MAPK4: variants seen among roughly 807,000 people sequenced by gnomAD.
MAPK4 encodes mitogen-activated protein kinase 4, also known as Erk3-related.
MAPK4 carries 22 observed loss-of-function variants against 47.7 expected under a neutral mutation model. The ratio of observed to expected loss-of-function variants is 0.46; its 90% CI spans 0.33 to 0.66. The LOEUF is 0.66. Ranked by LOEUF, MAPK4 falls within the 30% of genes least tolerant of loss-of-function variation. The pLI, the probability that MAPK4 is intolerant of heterozygous loss-of-function variation, is 0.02. For missense variants in MAPK4, 736 were observed against 831.7 expected, an observed-to-expected ratio of 0.88 and a Z score of 1.42; for synonymous variants, 390 against 365.7, an observed-to-expected ratio of 1.07 and a Z score of -0.76.
intron 1 of MAPK4, among the ~76,000 whole-genome samples, chr18:50,621,848 C>T (rs1284664899): frequency 1.3e-5 from 2 of 152,248 alleles, no homozygotes; most frequent in African/African-American, 4.8e-5. Context: ...CTGTCTTCAC[C>T]ATGCATTTGG....
chr18:50,708,303 G>A (rs1289225406), intron 2 of MAPK4, among the ~76,000 whole-genome samples: 2 of 152,216 alleles, frequency 1.3e-5, no homozygotes, highest in Non-Finnish European at 1.5e-5. Flanking sequence ...CTGGGAGGAT[G>A]TTGTTCTTCT....
In MAPK4 at chr18:50,582,362, T is replaced by C. The variant is rs77908347; in HGVS notation, c.-871+22119T>C. 5.3e-3 allele frequency among the ~76,000 whole-genome samples: 814 copies of C among 152,166 alleles called. 8 individuals are homozygous for C. The highest frequency in any genetic ancestry group is 0.018 in the African/African-American group (766 of 41,498). On this transcript the variant is annotated intron_variant, in intron 1 of 5. Transcript: ENST00000400384. ...CTATCCCCACCCTAGTCACACAGAG[T>C]GGCCTAAGAAAGTGCAGGGCTACCT... is the stretch of plus-strand genomic sequence containing the variant.
intron 2 of MAPK4, among the ~76,000 whole-genome samples, chr18:50,679,410 C>T (rs945725495): frequency 6.6e-6 from 1 of 152,198 alleles, no homozygotes; most frequent in African/African-American, 2.4e-5. Flanking sequence ...TCAATACCCT[C>T]ATATCTACCC....
intron 2 of MAPK4, among the ~76,000 whole-genome samples, chr18:50,681,061 A>G (rs1005815762): frequency 4.0e-5 from 6 of 151,368 alleles, no homozygotes; most frequent in African/African-American, 1.5e-4. Context: ...ATTTATCCAC[A>G]TCCTCACCAA....
rs1369842017 is a variant in MAPK4 at position 50,664,687 on chromosome 18, G to C, written c.546+183G>C. ...TTGTTGGAGGCGTGGAGGGAGATCT[G>C]GTTCTTGGTCTTGGCTCTGCTATGT... On this transcript the variant is annotated intron_variant, in intron 2 of 5. Coordinates refer to ENST00000400384, the MANE Select transcript of MAPK4 (RefSeq NM_002747.4). This position sits in a 1 kb window ranked among gnomAD's most constrained non-coding sequence, Gnocchi z 6.0. Among the ~76,000 whole-genome samples the C allele has an allele frequency of 3.9e-5, 6 of 152,180 alleles. No homozygotes were observed. Among genetic ancestry groups the C allele is most frequent in the Non-Finnish European group, 5.9e-5 (4 of 68,028 alleles).
intron 1 of MAPK4, among the ~76,000 whole-genome samples, chr18:50,579,729 T>G (rs2042327600): frequency 6.6e-6 from 1 of 152,152 alleles, no homozygotes; most frequent in South Asian, 2.1e-4. Flanking sequence ...ATGGTGCCAG[T>G]GCTGGGCATT....
At chr18:50,616,878 A>G (rs1475563119) in intron 1 of MAPK4, among the ~76,000 whole-genome samples, 1 of 152,164 alleles carries the variant, frequency 6.6e-6, no homozygotes, top group Non-Finnish European at 1.5e-5. Flanking sequence ...CTCAAATGTT[A>G]ATCTCGTCTG....
At chr18:50,677,413 T>C (rs1220308992) in intron 2 of MAPK4, among the ~76,000 whole-genome samples, 1 of 152,154 alleles carries the variant, frequency 6.6e-6, no homozygotes, top group Admixed American at 6.5e-5. Context: ...AGTTTACCCA[T>C]TGCAAAAAGA....
At chr18:50,615,256 C>T (rs1598828708) in intron 1 of MAPK4, among the ~76,000 whole-genome samples, 1 of 152,162 alleles carries the variant, frequency 6.6e-6, no homozygotes, top group East Asian at 1.9e-4. Context: ...ATGCCCTCTT[C>T]TGTCTAAGTT....
intron 2 of MAPK4, among the ~76,000 whole-genome samples, chr18:50,711,514 C>G (rs1910362306): frequency 6.6e-6 from 1 of 152,258 alleles, no homozygotes; most frequent in Non-Finnish European, 1.5e-5. Context: ...TGTTACAAAG[C>G]CTCACACAAG....
intron 2 of MAPK4, chr18:50,704,400 T>C (rs1049952549): frequency 5.1e-6 from 2 of 395,584 alleles, no homozygotes; most frequent in Non-Finnish European, 8.9e-6. Flanking sequence ...TCCCAACTAC[T>C]TGGGAGGCAG....
chr18:50,709,734 C>T lies in MAPK4; in HGVS notation c.547-5345C>T, dbSNP rs530871147. ...TGCAGGAGCCAGACACCCCTGACCA[C>T]TTCCCAGTTACAGCACCTTGAACCA... is the stretch of plus-strand genomic sequence containing the variant. On this transcript the variant is annotated intron_variant, in intron 2 of 5. Transcript: ENST00000400384. Among the ~76,000 whole-genome samples, 3 of 152,332 alleles carry T rather than the reference C, an allele frequency of 2.0e-5. No homozygotes were observed. In the South Asian group the frequency reaches 6.2e-4, roughly 32 times the overall value.
rs991128911 is a variant in MAPK4 at position 50,599,744 on chromosome 18, A to G, written c.-871+39501A>G. ...TGCTTTTATTATTTTTAATAGACAC[A>G]TAATAATTAGATACTATAAATGTAT... On this transcript the variant is annotated intron_variant, in intron 1 of 5. Transcript: ENST00000400384. Among the ~76,000 whole-genome samples, 3 of 152,306 alleles carry G rather than the reference A, an allele frequency of 2.0e-5. No homozygotes were observed. In the East Asian group the frequency reaches 5.8e-4, roughly 29 times the overall value.
At chr18:50,613,515 G>A (rs906211386) in intron 1 of MAPK4, among the ~76,000 whole-genome samples, 10 of 152,266 alleles carry the variant, frequency 6.6e-5, no homozygotes, top group Middle Eastern at 3.4e-3. Context: ...TTGTGACCCC[G>A]GAGCAGAGGA....
At chr18:50,699,177 G>T (rs745472847) in intron 2 of MAPK4, among the ~76,000 whole-genome samples, 5 of 152,188 alleles carry the variant, frequency 3.3e-5, no homozygotes, top group Non-Finnish European at 7.3e-5. Context: ...CTCAATCGAT[G>T]CAGAAAAAGC....
chr18:50,576,383 G>A (rs1975300), intron 1 of MAPK4, among the ~76,000 whole-genome samples: 62,839 of 151,960 alleles, frequency 0.41, 13,710 homozygotes, highest in Middle Eastern at 0.49. Context: ...GTAAACTAAC[G>A]TAGGAACAGA....
intron 1 of MAPK4, among the ~76,000 whole-genome samples, chr18:50,606,013 A>G (rs537714226): frequency 6.0e-5 from 9 of 150,750 alleles, no homozygotes; most frequent in African/African-American, 2.2e-4. Flanking sequence ...GGGCTGCAGC[A>G]GAAAATAAGG....
At chr18:50,656,189 C>T (rs993565464) in intron 1 of MAPK4, among the ~76,000 whole-genome samples, 2 of 152,164 alleles carry the variant, frequency 1.3e-5, no homozygotes, top group African/African-American at 4.8e-5. Context: ...TAACAAATGT[C>T]CCAACATTTA....
chr18:50,655,694 A>G (rs2043102268), intron 1 of MAPK4, among the ~76,000 whole-genome samples: 3 of 152,098 alleles, frequency 2.0e-5, no homozygotes, highest in Non-Finnish European at 4.4e-5. Context: ...CAGCAGTTAC[A>G]CAGCAGTTCT....
Sources: gnomAD v4.1 joint callset for allele counts (sites outside exome capture counted in the v4.1 genomes callset) on GRCh38, gnomAD v4.1.1 for gene constraint, Gnocchi (gnomAD v3.1) non-coding constraint, MANE v1.5 for transcripts, NCBI Gene and HGNC (gene_info 2026-07-23, HGNC 2026-07-21) for gene names.